IPO8: variants seen among roughly 807,000 people sequenced by gnomAD.
IPO8 encodes the protein importin 8.
A neutral mutation model predicts 141.2 loss-of-function variants in IPO8; 65 were observed. The ratio of observed to expected loss-of-function variants is 0.46; its 90% confidence interval spans 0.38 to 0.57. The LOEUF (loss-of-function observed/expected upper bound fraction) is 0.57, where lower values mean the gene tolerates loss of function less well. Among genes scored for constraint, IPO8 ranks in the 20% least tolerant of loss-of-function variants. The pLI, the probability that IPO8 is intolerant of heterozygous loss-of-function variation, is 0.00. For missense variants in IPO8, 980 were observed against 1,246.8 expected (o/e 0.79, Z 3.22); for synonymous variants, 411 against 420.3 (o/e 0.98, Z 0.27).
rs1426342542 is a variant in IPO8, at chr12:30,676,545, T to C, written c.682A>G (p.Thr228Ala). ...ATAGTTCGGAAGATCTCCATCCATG[T>C]TGTCATGGTTTGGTTATTCACTAGC... Reference protein sequence around the residue: ...LQLVNNQTMTTWMEIFRTIID... With the variant: ...LQLVNNQTMTAWMEIFRTIID... The change falls in exon 6 of 25, where the codon ACA becomes GCA. Residue 228 changes from threonine (T) to alanine (A), a missense_variant. Coordinates refer to ENST00000256079, the MANE Select transcript of IPO8 (RefSeq NM_006390.4). 1 of 1,613,404 alleles carries C rather than the reference T, an allele frequency of 6.2e-7. No homozygotes were observed. The highest frequency in any genetic ancestry group is 2.2e-5 in the East Asian group (1 of 44,802).
At chr12:30,685,804 A>C (rs985634981) in intron 2 of IPO8, among the ~76,000 whole-genome samples, 1 of 151,226 alleles carries the variant, frequency 6.6e-6, no homozygotes, top group Admixed American at 6.6e-5. Flanking sequence ...AGGTACCTGT[A>C]ATTCCAGCAA....
At position 30,674,717 on chromosome 12, in the gene IPO8, G is replaced by A. The variant is rs2053095907; in HGVS notation, c.766C>T (p.Leu256=). The A allele has an allele frequency of 2.5e-6, 4 of 1,613,534 alleles. No individual in the cohort carries two copies. Among genetic ancestry groups the A allele is most frequent in the Non-Finnish European group, 3.4e-6 (4 of 1,179,668 alleles). The change falls in exon 7 of 25, where the codon CTG becomes TTG. Residue 256 remains leucine (L), a synonymous_variant. Transcript: ENST00000256079. The stretch of plus-strand genomic sequence containing the variant: ...CACTTCTTACACTTCCACCATACCA[G>A]TTCTGGTCTATCATCCTCATCAATG... The part of the protein sequence containing the change: ...LHIDEDDRPE[L]VWWKCKKWAL...
intron 20 of IPO8, among the ~76,000 whole-genome samples, chr12:30,642,574 T>C (rs2136130488): frequency 6.6e-6 from 1 of 151,890 alleles, no homozygotes; most frequent in Non-Finnish European, 1.5e-5. Context: ...ATATTAGTTA[T>C]ATACATTAAT....
intron 4 of IPO8, among the ~76,000 whole-genome samples, chr12:30,681,429 A>T (rs2053187303): frequency 6.6e-6 from 1 of 152,230 alleles, no homozygotes; most frequent in Admixed American, 6.5e-5. Context: ...AACAAGTTTG[A>T]GAAGTGCTTC....
At position 30,674,785 on chromosome 12, in the gene IPO8, C is replaced by G. The variant is rs1278718393; in HGVS notation, c.730-32G>C. On this transcript the variant is annotated intron_variant, in intron 6 of 24. Coordinates refer to ENST00000256079, the MANE Select transcript of IPO8 (RefSeq NM_006390.4). ...GGACAAAATTACCCAGATTAAAGTT[C>G]TGCATAATAAAAGGATTTATGTGAA... The G allele has an allele frequency of 7.3e-6, 10 of 1,361,410 alleles. No individual in the cohort carries two copies. In the Admixed American group the frequency reaches 1.5e-4, roughly 21 times the overall value. 84.3% of individuals were successfully genotyped at this position (1,361,410 alleles called of 1,614,324 possible).
intron 5 of IPO8, among the ~76,000 whole-genome samples, chr12:30,678,103 C>T (rs10771757): frequency 0.22 from 31,624 of 142,424 alleles, 3,486 homozygotes; most frequent in East Asian, 0.3. Context: ...CCAGCCCGGG[C>T]GACAGAGGGA....
intron 2 of IPO8, among the ~76,000 whole-genome samples, chr12:30,685,796 G>C (rs932433524): frequency 6.6e-6 from 1 of 150,928 alleles, no homozygotes; most frequent in Non-Finnish European, 1.5e-5. Flanking sequence ...ATGGTGGCAG[G>C]TACCTGTAAT....
At chr12:30,668,883 C>G (rs531702219) in intron 10 of IPO8, among the ~76,000 whole-genome samples, 1 of 152,228 alleles carries the variant, frequency 6.6e-6, no homozygotes, top group African/African-American at 2.4e-5. Context: ...ATGAGTCTCC[C>G]AAAAGGCACA....
intron 6 of IPO8, among the ~76,000 whole-genome samples, chr12:30,676,173 A>T (rs2053118407): frequency 2.0e-5 from 3 of 152,128 alleles, no homozygotes; most frequent in Admixed American, 2.0e-4. Flanking sequence ...TGATCCTCCC[A>T]GCTTGGCCTC....
At chr12:30,637,996 TC>T (rs1291040472) in intron 21 of IPO8, among the ~76,000 whole-genome samples, 1 of 152,228 alleles carries the variant, frequency 6.6e-6, no homozygotes, top group Non-Finnish European at 1.5e-5. Flanking sequence ...TTGATTCAAG[TC>T]ACTAATGCCC....
At chr12:30,674,259 C>T (rs1196294496) in intron 7 of IPO8, among the ~76,000 whole-genome samples, 185 bp from the exon 8 acceptor site, 1 of 152,148 alleles carries the variant, frequency 6.6e-6, no homozygotes, top group Non-Finnish European at 1.5e-5. Flanking sequence ...ATGGGCCATA[C>T]TGTAAAGTTT....
At chr12:30,659,595 T>C (rs2052853650) in intron 16 of IPO8, among the ~76,000 whole-genome samples, 2 of 151,522 alleles carry the variant, frequency 1.3e-5, no homozygotes, top group African/African-American at 4.9e-5. Flanking sequence ...CTCACACCTG[T>C]AATCCCAGCA....
At chr12:30,664,614 A>T (rs1162154345) in intron 13 of IPO8, among the ~76,000 whole-genome samples, 1 of 152,260 alleles carries the variant, frequency 6.6e-6, no homozygotes, top group Non-Finnish European at 1.5e-5. Context: ...TACACAAAAT[A>T]AATCCATTTG....
intron 10 of IPO8, among the ~76,000 whole-genome samples, chr12:30,668,024 G>A (rs1421994738): frequency 6.6e-6 from 1 of 150,806 alleles, no homozygotes; most frequent in African/African-American, 2.5e-5. Context: ...CCAACTACTT[G>A]GAGGCTGAGG....
At chr12:30,653,944 A>C (rs2052761174) in intron 17 of IPO8, among the ~76,000 whole-genome samples, 1 of 152,098 alleles carries the variant, frequency 6.6e-6, no homozygotes. Context: ...AATTTGAAAA[A>C]TAAATTATCT....
chr12:30,660,271 GC>G (rs2052867275), intron 16 of IPO8, among the ~76,000 whole-genome samples: 1 of 152,248 alleles, frequency 6.6e-6, no homozygotes, highest in East Asian at 1.9e-4. Flanking sequence ...CTTCCTAAGT[GC>G]TCACCTTGTA....
In IPO8 at chr12:30,695,673, C is replaced by T. The variant is rs772398904; in HGVS notation, c.-26G>A. 3.7e-6 allele frequency: 6 copies of T among 1,606,420 alleles called. No individual in the cohort carries two copies. The Admixed American group carries it at 1.0e-4, about 27-fold the overall frequency. ...CTCCCCGGGTGGGGGCTCCGCGGCC[C>T]CCGGAACAGTAGGCCGGACTGCAGC... On this transcript the variant is annotated 5_prime_UTR_variant, in exon 1 of 25. Coordinates refer to ENST00000256079, the MANE Select transcript of IPO8 (RefSeq NM_006390.4). This position sits in a 1 kb window ranked among gnomAD's most constrained non-coding sequence, Gnocchi z 4.2.
At position 30,663,663 on chromosome 12, in the gene IPO8, T is replaced by C. The variant is rs1434343642; in HGVS notation, c.1429-9A>G. 6.3e-7 allele frequency: 1 copy of C among 1,590,188 alleles called. No individual in the cohort carries two copies. The highest frequency in any genetic ancestry group is 8.5e-7 in the Non-Finnish European group (1 of 1,172,360). ...TGAAGTACCCAGCAAGACTGTATTA[T>C]TAAAAAAGGTAAGTAGGGAGCTATT... is the stretch of plus-strand genomic sequence containing the variant. On this transcript the variant is annotated splice_polypyrimidine_tract_variant and intron_variant, in intron 13 of 24. Coordinates refer to ENST00000256079, the MANE Select transcript of IPO8 (RefSeq NM_006390.4).
chr12:30,690,575 G>A lies in IPO8; in HGVS notation c.87C>T (p.Ser29=). The part of the protein sequence containing the change: ...RIAAENELNQ[S]YKIINFAPSL... ...TGGGGGCAAAATTGATAATCTTGTA[G>A]GACTGAAATTACAAAGAAATGTTTT... is the stretch of plus-strand genomic sequence containing the variant. The change falls in exon 2 of 25, where the codon TCC becomes TCT. Residue 29 remains serine, a splice_region_variant and synonymous_variant. Transcript: ENST00000256079. 1 of 1,547,694 alleles carries A rather than the reference G, an allele frequency of 6.5e-7. No homozygotes were observed. Among genetic ancestry groups the A allele is most frequent in the Non-Finnish European group, 8.8e-7 (1 of 1,134,748 alleles).
Sources: gnomAD v4.1 joint callset for allele counts (sites outside exome capture counted in the v4.1 genomes callset) on GRCh38, gnomAD v4.1.1 for gene constraint, Gnocchi (gnomAD v3.1) non-coding constraint, MANE v1.5 for transcripts, NCBI Gene and HGNC (gene_info 2026-07-23, HGNC 2026-07-21) for gene names.